Variants in LRRC4C observed in about 807,000 individuals in gnomAD.
LRRC4C encodes the protein leucine-rich repeat-containing protein 4C.
A neutral mutation model predicts 33.6 loss-of-function variants in LRRC4C; 5 were observed. That is an observed-to-expected ratio of 0.15 (90% CI 0.08 to 0.31). LRRC4C has a LOEUF of 0.31. Ranked by LOEUF, LRRC4C falls within the 10% of genes least tolerant of loss-of-function variation. LRRC4C has a pLI of 1.00. For missense variants in LRRC4C, 560 were observed against 796.7 expected (o/e 0.70, Z 3.58); for synonymous variants, 329 against 302.0 (o/e 1.09, Z -0.93).
chr11:40,982,703 T>C (rs1038334391), intron 1 of LRRC4C, among the ~76,000 whole-genome samples: 7 of 152,166 alleles, frequency 4.6e-5, no homozygotes, highest in African/African-American at 1.7e-4. Context: ...ATTTGCAAGA[T>C]GTGCAGGTTT....
At chr11:40,874,656 A>C (rs965471726) in intron 2 of LRRC4C, among the ~76,000 whole-genome samples, 2 of 152,200 alleles carry the variant, frequency 1.3e-5, no homozygotes, top group Non-Finnish European at 2.9e-5. Context: ...TTTGTTTTCC[A>C]GGTTGCTCTG....
chr11:40,307,106 C>G (rs2136712662), intron 4 of LRRC4C, among the ~76,000 whole-genome samples: 1 of 151,502 alleles, frequency 6.6e-6, no homozygotes, highest in Admixed American at 6.6e-5. Context: ...TAGCAGCATT[C>G]CTAGCTGGTA....
intron 6 of LRRC4C, among the ~76,000 whole-genome samples, chr11:40,121,361 T>A (rs978243055): frequency 6.6e-6 from 1 of 152,234 alleles, no homozygotes; most frequent in Admixed American, 6.5e-5. Context: ...AGCTAATTTA[T>A]AACCTACAGT....
intron 3 of LRRC4C, among the ~76,000 whole-genome samples, chr11:40,411,587 A>G (rs1050493613): frequency 6.6e-6 from 1 of 152,070 alleles, no homozygotes; most frequent in Non-Finnish European, 1.5e-5. Context: ...GATAGTGTGG[A>G]GTATAAATTC....
intron 3 of LRRC4C, among the ~76,000 whole-genome samples, chr11:40,336,820 CA>C (rs1163290281): frequency 1.3e-5 from 2 of 151,420 alleles, no homozygotes; most frequent in African/African-American, 2.4e-5. Flanking sequence ...ACTGAAAATA[CA>C]AAAAAATTAG....
At chr11:40,368,495 C>T (rs2137237266) in intron 3 of LRRC4C, among the ~76,000 whole-genome samples, 1 of 152,244 alleles carries the variant, frequency 6.6e-6, no homozygotes, top group Non-Finnish European at 1.5e-5. Context: ...CAACCAATGT[C>T]TTTATTCCCA....
intron 1 of LRRC4C, among the ~76,000 whole-genome samples, chr11:41,401,379 G>GA (rs1389639940): frequency 2.0e-5 from 3 of 151,660 alleles, no homozygotes; most frequent in Non-Finnish European, 4.4e-5. Context: ...GTTTTGAGAG[G>GA]AAAAAAATAA....
At chr11:41,339,322 T>C (rs1166761838) in intron 1 of LRRC4C, among the ~76,000 whole-genome samples, 3 of 152,200 alleles carry the variant, frequency 2.0e-5, no homozygotes, top group African/African-American at 7.2e-5. Flanking sequence ...TCACAAGGAA[T>C]CACAGATTAT....
rs77551150 is a variant in LRRC4C, at chr11:41,248,298, C to T, written c.-496+211133G>A. ...ACTAAGAGTTTATATGACCTTTCTC[C>T]TCTCTATTCTCCTGGACCCATTCCT... On this transcript the variant is annotated intron_variant, in intron 1 of 6. Transcript: ENST00000528697. Among the ~76,000 whole-genome samples, 1,191 of 152,236 alleles carry T rather than the reference C, an allele frequency of 7.8e-3. 18 individuals carry two copies. Among genetic ancestry groups the T allele is most frequent in the East Asian group, 0.038 (195 of 5,182 alleles).
intron 3 of LRRC4C, among the ~76,000 whole-genome samples, chr11:40,385,384 A>G (rs1002375640): frequency 7.9e-5 from 12 of 152,214 alleles, no homozygotes; most frequent in African/African-American, 2.4e-4. Flanking sequence ...AGTTCTATCT[A>G]TCTAACTATG....
intron 2 of LRRC4C, among the ~76,000 whole-genome samples, chr11:40,747,256 T>A (rs920020091): frequency 6.6e-6 from 1 of 152,124 alleles, no homozygotes; most frequent in African/African-American, 2.4e-5. Context: ...TAGCCCCCAC[T>A]CATAAGTGCA....
In LRRC4C at chr11:41,363,220, G is replaced by A. The variant is rs116656612; in HGVS notation, c.-496+96211C>T. ...TTCTCCCTCTCATTGCCTCAGAGGG[G>A]CTGGGTTTACCCTGCCCACCAAGCT... On this transcript the variant is annotated intron_variant, in intron 1 of 6. Coordinates refer to ENST00000528697, the MANE Select transcript of LRRC4C (RefSeq NM_001258419.2). Among the ~76,000 whole-genome samples, 381 of 152,272 alleles carry A rather than the reference G, an allele frequency of 2.5e-3. 2 individuals are homozygous for A. Among genetic ancestry groups the A allele is most frequent in the African/African-American group, 8.7e-3 (360 of 41,554 alleles).
intron 2 of LRRC4C, among the ~76,000 whole-genome samples, chr11:40,829,792 T>A (rs190511557): frequency 6.6e-6 from 1 of 152,158 alleles, no homozygotes; most frequent in East Asian, 1.9e-4. Flanking sequence ...CTGTGTCAGG[T>A]GCTGGAGCTG....
chr11:40,302,391 T>G (rs1279255963), intron 4 of LRRC4C, among the ~76,000 whole-genome samples: 3 of 152,224 alleles, frequency 2.0e-5, no homozygotes, highest in Non-Finnish European at 4.4e-5. Context: ...TTATTTATTT[T>G]AGGGGTTCCA....
At chr11:40,497,943 C>A (rs764803206) in intron 3 of LRRC4C, among the ~76,000 whole-genome samples, 1 of 152,130 alleles carries the variant, frequency 6.6e-6, no homozygotes, top group African/African-American at 2.4e-5. Context: ...GTATTTCTGA[C>A]TTTTCATTTT....
At chr11:40,453,318 T>C (rs1293506440) in intron 3 of LRRC4C, among the ~76,000 whole-genome samples, 1 of 151,532 alleles carries the variant, frequency 6.6e-6, no homozygotes, top group African/African-American at 2.4e-5. Flanking sequence ...TTTGAGAAAA[T>C]AAAAAAGTAG....
intron 5 of LRRC4C, among the ~76,000 whole-genome samples, chr11:40,190,411 G>T (rs1022681812): frequency 2.0e-5 from 3 of 152,144 alleles, no homozygotes; most frequent in Admixed American, 6.5e-5. Flanking sequence ...AGATTCTCAG[G>T]TTCTGCCAGA....
rs56235230 is a variant in LRRC4C at position 40,491,557 on chromosome 11, G to A, written c.-270+156585C>T. On this transcript the variant is annotated intron_variant, in intron 3 of 6. Coordinates refer to ENST00000528697, the MANE Select transcript of LRRC4C (RefSeq NM_001258419.2). ...AAGTTTCTTGTGGTTGTAGGAATGC[G>A]TACCTCAGCTCTTAGAAGCTGCTGA... Among the ~76,000 whole-genome samples the A allele has an allele frequency of 7.1e-3, 1,075 of 152,148 alleles. 11 individuals are homozygous for A. The highest frequency in any genetic ancestry group is 0.025 in the African/African-American group (1,035 of 41,524).
At chr11:41,206,352 G>A (rs949035447) in intron 1 of LRRC4C, among the ~76,000 whole-genome samples, 3 of 152,076 alleles carry the variant, frequency 2.0e-5, no homozygotes, top group Admixed American at 1.3e-4. Context: ...GATATCTTCT[G>A]AAAAATTTCA....
Sources: allele counts gnomAD v4.1 joint callset (sites outside exome capture counted in the v4.1 genomes callset), GRCh38; gene constraint gnomAD v4.1.1; transcripts MANE v1.5; gene names NCBI Gene and HGNC (gene_info 2026-07-23, HGNC 2026-07-21).